Variants in BNIP3 observed in about 807,000 individuals in gnomAD.
The protein encoded by BNIP3 is BCL2/adenovirus E1B 19 kDa protein-interacting protein 3.
In BNIP3, 16 loss-of-function variants were observed where a neutral mutation model predicts 23.9. The observed-to-expected ratio is 0.67, with a 90% confidence interval of 0.45 to 1.01. The LOEUF is 1.01. BNIP3 is among the 50% of genes least tolerant of loss of function. The probability of loss-of-function intolerance (pLI) is 0.00; values close to 1 mark genes in which losing one functional copy is unlikely to be tolerated. For synonymous variants in BNIP3, 81 were observed against 89.3 expected (o/e 0.91, Z 0.53); for missense variants, 198 against 248.7 (o/e 0.80, Z 1.37).
intron 1 of BNIP3, among the ~76,000 whole-genome samples, chr10:131,975,479 G>C (rs1196900937): frequency 6.6e-6 from 1 of 152,284 alleles, no homozygotes; most frequent in African/African-American, 2.4e-5. Flanking sequence ...TTAGTAAGCA[G>C]AATAATCACC....
chr10:131,968,676 T>C, intron 5 of BNIP3, 107 bp from the exon 6 acceptor site: 2 of 946,674 alleles, frequency 2.1e-6, no homozygotes, highest in African/African-American at 1.6e-5. Context: ...GCAAGGGGAC[T>C]GGTGATTTTA....
chr10:131,973,962 G>T lies in BNIP3; in HGVS notation c.47-19C>A. The T allele has an allele frequency of 6.2e-7, 1 of 1,613,258 alleles. No individual in the cohort carries two copies. Among genetic ancestry groups the T allele is most frequent in the East Asian group, 2.2e-5 (1 of 44,876 alleles). Reference sequence around the variant, plus strand: ...CAGGAGCCTGATGGGGACAAAAAAAGGGGCGCAGATGGAATTCTCTACCCA... The same window carrying T: ...CAGGAGCCTGATGGGGACAAAAAAATGGGCGCAGATGGAATTCTCTACCCA... On this transcript the variant is annotated intron_variant, in intron 1 of 5. Coordinates refer to ENST00000368636, the MANE Select transcript of BNIP3 (RefSeq NM_004052.4).
chr10:131,974,313 TA>T (rs1161306297), intron 1 of BNIP3, among the ~76,000 whole-genome samples: 1 of 152,082 alleles, frequency 6.6e-6, no homozygotes, highest in African/African-American at 2.4e-5. Flanking sequence ...AAGAGGTCTT[TA>T]AAAAAAACAA....
chr10:131,981,748 T>G lies in BNIP3; in HGVS notation c.46+13A>C. 1.4e-6 allele frequency: 2 copies of G among 1,463,990 alleles called. No homozygotes were observed. The highest frequency in any genetic ancestry group is 9.0e-7 in the Non-Finnish European group (1 of 1,112,418). The allele number at this position is 1,463,990 out of a possible 1,614,324, so 90.7% of individuals were successfully genotyped here. On this transcript the variant is annotated intron_variant, in intron 1 of 5. Transcript: ENST00000368636. Reference sequence around the variant, plus strand: ...GCGCCCCCTCGGCTCCCGCGCCGCCTCCTCCGCCTCACCCTGCAGGCTCTC... The same window carrying G: ...GCGCCCCCTCGGCTCCCGCGCCGCCGCCTCCGCCTCACCCTGCAGGCTCTC...
At position 131,970,398 on chromosome 10, in the gene BNIP3, G is replaced by C. The variant is rs1049719836; in HGVS notation, c.539+240C>G. ...TGCTTTGACTCCGTTTATATTCAGTGAGCAACAGGCAGACTCGTCAGGCCA... is the reference window on the plus strand; with the variant it reads ...TGCTTTGACTCCGTTTATATTCAGTCAGCAACAGGCAGACTCGTCAGGCCA... On this transcript the variant is annotated intron_variant, in intron 5 of 5. Coordinates refer to ENST00000368636, the MANE Select transcript of BNIP3 (RefSeq NM_004052.4). The surrounding 1 kb of genome is among the most constrained non-coding windows in gnomAD (Gnocchi z 4.1). The C allele has an allele frequency of 6.9e-6, 4 of 582,354 alleles. No individual in the cohort carries two copies. Among genetic ancestry groups the C allele is most frequent in the Non-Finnish European group, 1.2e-5 (4 of 332,176 alleles). 36.1% of individuals were successfully genotyped at this position (582,354 alleles called of 1,614,324 possible).
chr10:131,979,256 G>A (rs575891878), intron 1 of BNIP3, among the ~76,000 whole-genome samples: 18 of 152,336 alleles, frequency 1.2e-4, no homozygotes, highest in Non-Finnish European at 2.5e-4. Context: ...CTCGATGTCT[G>A]CAACCCCTTC....
chr10:131,980,090 T>C (rs1337487623), intron 1 of BNIP3: 1 of 152,230 alleles, frequency 6.6e-6, no homozygotes, highest in African/African-American at 2.4e-5. Flanking sequence ...AACTATCTTT[T>C]TATAGAATAA....
chr10:131,977,341 G>A (rs2037086599), intron 1 of BNIP3, among the ~76,000 whole-genome samples: 1 of 152,162 alleles, frequency 6.6e-6, no homozygotes, highest in Admixed American at 6.5e-5. Context: ...AAGTAGGTAG[G>A]GTCAAGACCA....
chr10:131,968,401 G>C lies in BNIP3; in HGVS notation c.*123C>G. On this transcript the variant is annotated 3_prime_UTR_variant, in exon 6 of 6. Coordinates refer to ENST00000368636, the MANE Select transcript of BNIP3 (RefSeq NM_004052.4). ...TTTATTTTACTAAATTAGGAACGCAGCATTTACAGAACAAATAAACACAAG... is the reference window on the plus strand; with the variant it reads ...TTTATTTTACTAAATTAGGAACGCACCATTTACAGAACAAATAAACACAAG... 1.3e-6 allele frequency: 1 copy of C among 787,884 alleles called. No homozygotes were observed. The highest frequency in any genetic ancestry group is 1.7e-5 in the African/African-American group (1 of 57,842). The allele number at this position is 787,884 out of a possible 1,614,324, so 48.8% of individuals were successfully genotyped here. A position where few individuals can be genotyped will look rare whatever the true frequency, so the allele number is the denominator to read the frequency against.
chr10:131,973,745 C>A, intron 2 of BNIP3, 48 bp downstream of exon 2: 1 of 1,600,412 alleles, frequency 6.2e-7, no homozygotes, highest in South Asian at 1.1e-5. Flanking sequence ...CTGTCACCCA[C>A]TGAAGACATC....
intron 3 of BNIP3, 42 bp from the exon 4 acceptor site, chr10:131,971,012 C>A (rs374429538): frequency 3.8e-6 from 6 of 1,579,076 alleles, no homozygotes; most frequent in Non-Finnish European, 5.2e-6. Flanking sequence ...GTGTACCACA[C>A]GTGACACGGG....
In BNIP3 at chr10:131,970,351, A is replaced by G. The variant is rs1589975261; in HGVS notation, c.539+287T>C. 2.1e-6 allele frequency: 1 copy of G among 478,550 alleles called. No individual in the cohort carries two copies. The highest frequency in any genetic ancestry group is 3.9e-5 in the East Asian group (1 of 25,442). The allele number at this position is 478,550 out of a possible 1,614,324, so 29.6% of individuals were successfully genotyped here. A position where few individuals can be genotyped will look rare whatever the true frequency, so the allele number is the denominator to read the frequency against. Reference sequence around the variant, plus strand: ...CTGCTTTCACCTACACACAGGACAAAGAGGTCAGACCTAAGAAGCCCTGCT... The same window carrying G: ...CTGCTTTCACCTACACACAGGACAAGGAGGTCAGACCTAAGAAGCCCTGCT... On this transcript the variant is annotated intron_variant, in intron 5 of 5. Transcript: ENST00000368636. The surrounding 1 kb of genome is among the most constrained non-coding windows in gnomAD (Gnocchi z 4.1).
rs368713378 is a variant in BNIP3, at chr10:131,970,730, G to A, written c.447C>T (p.Ser149=). The change falls in exon 5 of 6, where the codon AGC becomes AGT. Residue 149 remains serine, a synonymous_variant. Transcript: ENST00000368636. The surrounding 1 kb of genome is among the most constrained non-coding windows in gnomAD (Gnocchi z 4.1). ...AGAATATGCCCCCTTTCTTCATGAC[G>A]CTCGTGTTCCTCATGCTGAGGGTGG... ...RTATLSMRNT[S]VMKKGGIFSA... 1.7e-5 allele frequency: 28 copies of A among 1,614,034 alleles called. No individual in the cohort carries two copies. The highest frequency in any genetic ancestry group is 2.7e-5 in the African/African-American group (2 of 74,912).
In BNIP3 at chr10:131,970,478, G is replaced by C; in HGVS notation, c.539+160C>G. The C allele has an allele frequency of 9.2e-7, 1 of 1,088,406 alleles. No homozygotes were observed. Among genetic ancestry groups the C allele is most frequent in the Non-Finnish European group, 1.3e-6 (1 of 781,192 alleles). 67.4% of individuals were successfully genotyped at this position (1,088,406 alleles called of 1,614,324 possible). The stretch of plus-strand genomic sequence containing the variant: ...GGGCCTTTGGGGGCTGCAGGCTGGT[G>C]GTTTCTGGACCTGAACAGTGACTAC... On this transcript the variant is annotated intron_variant, in intron 5 of 5. Transcript: ENST00000368636. The surrounding 1 kb of genome is among the most constrained non-coding windows in gnomAD (Gnocchi z 4.1).
rs969808321 is a variant in BNIP3, at chr10:131,968,237, T to G, written c.*287A>C. The G allele has an allele frequency of 3.4e-5, 8 of 233,348 alleles. No homozygotes were observed. The highest frequency in any genetic ancestry group is 1.8e-4 in the African/African-American group (8 of 44,780). 14.5% of individuals were successfully genotyped at this position (233,348 alleles called of 1,614,324 possible). On this transcript the variant is annotated 3_prime_UTR_variant, in exon 6 of 6. Coordinates refer to ENST00000368636, the MANE Select transcript of BNIP3 (RefSeq NM_004052.4). Reference sequence around the variant, plus strand: ...ACACATCATGACTAGTATATTAAAATTATTTATATTCAGATATTTATATCT... The same window carrying G: ...ACACATCATGACTAGTATATTAAAAGTATTTATATTCAGATATTTATATCT...
intron 3 of BNIP3, among the ~76,000 whole-genome samples, chr10:131,972,039 C>G (rs201375640): frequency 2.0e-5 from 3 of 151,906 alleles, no homozygotes; most frequent in African/African-American, 4.8e-5. Context: ...CAAGAAAACA[C>G]ATCGCGCATC....
chr10:131,969,499 G>GA, intron 5 of BNIP3: 1 of 152,372 alleles, frequency 6.6e-6, no homozygotes, highest in South Asian at 2.1e-4. Flanking sequence ...TTATGGGGGG[G>GA]ACGTGAGAAT....
In BNIP3 at chr10:131,970,673, A is replaced by G. The variant is rs764525263; in HGVS notation, c.504T>C (p.Ser168=). The G allele has an allele frequency of 1.9e-6, 3 of 1,614,088 alleles. No individual in the cohort carries two copies. Among genetic ancestry groups the G allele is most frequent in the Non-Finnish European group, 2.5e-6 (3 of 1,180,040 alleles). Reference sequence around the variant, plus strand: ...TGGCCAGCAAATGAGAGAGCAGCAGAGATGGAAGGAAAACTTTCAGAAATT... The same window carrying G: ...TGGCCAGCAAATGAGAGAGCAGCAGGGATGGAAGGAAAACTTTCAGAAATT... ...SAEFLKVFLP[S]LLLSHLLAIG... The change falls in exon 5 of 6, where the codon TCT becomes TCC. Residue 168 remains serine, a synonymous_variant. Coordinates refer to ENST00000368636, the MANE Select transcript of BNIP3 (RefSeq NM_004052.4). This position sits in a 1 kb window ranked among gnomAD's most constrained non-coding sequence, Gnocchi z 4.1.
intron 1 of BNIP3, among the ~76,000 whole-genome samples, chr10:131,977,626 A>C (rs1327673393): frequency 6.6e-6 from 1 of 152,136 alleles, no homozygotes; most frequent in African/African-American, 2.4e-5. Flanking sequence ...CCCTTAGAGC[A>C]CTAATCCCAT....
Sources: gnomAD v4.1 joint callset for allele counts (sites outside exome capture counted in the v4.1 genomes callset) on GRCh38, gnomAD v4.1.1 for gene constraint, Gnocchi (gnomAD v3.1) non-coding constraint, MANE v1.5 for transcripts, NCBI Gene and HGNC (gene_info 2026-07-23, HGNC 2026-07-21) for gene names.